Variants in FYN observed in about 807,000 individuals in gnomAD.
FYN encodes FYN proto-oncogene, Src family tyrosine kinase, also known as tyrosine-protein kinase Fyn.
Under a neutral mutation model 70.2 loss-of-function variants are expected in FYN, and 10 were observed. The observed-to-expected ratio is 0.14, with a 90% confidence interval of 0.09 to 0.24. The LOEUF is 0.24. Ranked by LOEUF, FYN falls within the 10% of genes least tolerant of loss-of-function variation. The probability of loss-of-function intolerance (pLI) is 1.00; values close to 1 mark genes in which losing one functional copy is unlikely to be tolerated. For synonymous variants in FYN, 236 were observed against 248.6 expected (o/e 0.95, Z 0.48); for missense variants, 319 against 673.1 (o/e 0.47, Z 5.82).
At chr6:111,846,261 C>T (rs1401007140) in intron 2 of FYN, among the ~76,000 whole-genome samples, 2 of 152,114 alleles carry the variant, frequency 1.3e-5, no homozygotes, top group East Asian at 3.9e-4. Flanking sequence ...TCCTCCCCAG[C>T]CTGAAGGCTC....
intron 12 of FYN, among the ~76,000 whole-genome samples, chr6:111,686,782 C>T (rs804194): frequency 0.72 from 109,845 of 152,174 alleles, 41,187 homozygotes; most frequent in African/African-American, 0.91. Context: ...GGGCATCTCA[C>T]GGCGAGATCA....
chr6:111,703,075 A>G (rs1799915275), intron 7 of FYN, 41 bp from the exon 8 acceptor site: 1 of 1,594,680 alleles, frequency 6.3e-7, no homozygotes, highest in Non-Finnish European at 8.5e-7. Context: ...AATCATTTAG[A>G]GTATCAGCTT....
chr6:111,704,585 C>T (rs1310454940), intron 6 of FYN, among the ~76,000 whole-genome samples: 3 of 151,890 alleles, frequency 2.0e-5, no homozygotes, highest in Non-Finnish European at 4.4e-5. Flanking sequence ...GAAACCCCAG[C>T]TCTACTAAAA....
At chr6:111,760,821 T>G (rs1465607545) in intron 3 of FYN, among the ~76,000 whole-genome samples, 1 of 152,194 alleles carries the variant, frequency 6.6e-6, no homozygotes, top group Non-Finnish European at 1.5e-5. Context: ...TTGATTCCAG[T>G]CTCACTTTGA....
At chr6:111,721,196 G>C (rs1445193354) in intron 3 of FYN, among the ~76,000 whole-genome samples, 1 of 152,106 alleles carries the variant, frequency 6.6e-6, no homozygotes, top group Non-Finnish European at 1.5e-5. Context: ...TGTGCTTTCT[G>C]AAGTGCTCCC....
chr6:111,703,739 C>T (rs1726126), intron 7 of FYN, among the ~76,000 whole-genome samples: 12,736 of 152,158 alleles, frequency 0.084, 1,694 homozygotes, highest in African/African-American at 0.28. Flanking sequence ...GAAAATTCTA[C>T]GATCTTGTGT....
At chr6:111,824,750 G>A (rs1439834475) in intron 2 of FYN, among the ~76,000 whole-genome samples, 1 of 152,024 alleles carries the variant, frequency 6.6e-6, no homozygotes, top group Non-Finnish European at 1.5e-5. Context: ...TTCAGACCCT[G>A]TCCCCTCCAC....
At chr6:111,729,899 G>A (rs1365967475) in intron 3 of FYN, among the ~76,000 whole-genome samples, 1 of 152,162 alleles carries the variant, frequency 6.6e-6, no homozygotes, top group Non-Finnish European at 1.5e-5. Context: ...TACCAAGAAT[G>A]TACTTTTTTT....
chr6:111,696,419 A>G lies in FYN; in HGVS notation c.900T>C (p.Thr300=). 1 of 1,611,722 alleles carries G rather than the reference A, an allele frequency of 6.2e-7. No individual in the cohort carries two copies. The highest frequency in any genetic ancestry group is 8.5e-7 in the Non-Finnish European group (1 of 1,178,940). Residue 300 remains threonine, a synonymous_variant, in exon 10 of 14, where the codon ACT becomes ACC. Coordinates refer to ENST00000354650, the MANE Select transcript of FYN (RefSeq NM_002037.5). ...CGGGGGACATTGTGCCTGGTTTAAG[A>G]GTCTTTATGGCTACTTTTGTGTTTC... ...WNGNTKVAIK[T]LKPGTMSPES...
At position 111,773,487 on chromosome 6, in the gene FYN, G is replaced by A. The variant is rs1286264715; in HGVS notation, c.-12+7079C>T. 4.6e-3 allele frequency among the ~76,000 whole-genome samples: 450 copies of A among 97,732 alleles called. 12 individuals are homozygous for A. Among genetic ancestry groups the A allele is most frequent in the African/African-American group, 0.018 (412 of 22,486 alleles). 64.1% of individuals were successfully genotyped at this position (97,732 alleles called of 152,430 possible). On this transcript the variant is annotated intron_variant, in intron 3 of 13. Transcript: ENST00000354650. Reference sequence around the variant, plus strand: ...TGGGAAAGGGAAAACGAGAGGGAGAGGGAGAGGGAGAGCGGGGGAGGGAGA... The same window carrying A: ...TGGGAAAGGGAAAACGAGAGGGAGAAGGAGAGGGAGAGCGGGGGAGGGAGA...
chr6:111,797,227 C>T (rs1292298313), intron 2 of FYN, among the ~76,000 whole-genome samples: 4 of 152,012 alleles, frequency 2.6e-5, no homozygotes, highest in Non-Finnish European at 4.4e-5. Context: ...GAAACTAGTA[C>T]GATGGCTAAG....
intron 5 of FYN, among the ~76,000 whole-genome samples, chr6:111,712,290 T>C (rs1800418357): frequency 1.3e-5 from 2 of 152,238 alleles, no homozygotes; most frequent in Admixed American, 1.3e-4. Context: ...TTGAAATTTC[T>C]AATCAACCTT....
chr6:111,791,575 G>A (rs1307333313), intron 2 of FYN, among the ~76,000 whole-genome samples: 1 of 152,192 alleles, frequency 6.6e-6, no homozygotes, highest in African/African-American at 2.4e-5. Context: ...AGACGGCCAT[G>A]TGGCCACAGA....
chr6:111,714,260 A>T (rs1320035824), intron 5 of FYN, 87 bp downstream of exon 5: 5 of 801,624 alleles, frequency 6.2e-6, no homozygotes, highest in Admixed American at 2.0e-5. Flanking sequence ...TTAGCATTTC[A>T]GACATCTGAA....
chr6:111,861,889 C>T (rs1386936104), intron 1 of FYN, among the ~76,000 whole-genome samples: 1 of 152,222 alleles, frequency 6.6e-6, no homozygotes, highest in Non-Finnish European at 1.5e-5. Context: ...AGAGTTAAAT[C>T]ATTACTTCGT....
intron 12 of FYN, 60 bp from the exon 13 acceptor site, chr6:111,674,690 T>G: frequency 6.4e-7 from 1 of 1,557,172 alleles, no homozygotes; most frequent in Non-Finnish European, 8.7e-7. Flanking sequence ...GCATGGGGTG[T>G]GGGAGGGAAA....
At chr6:111,812,823 T>C (rs534047324) in intron 2 of FYN, among the ~76,000 whole-genome samples, 175 of 152,164 alleles carry the variant, frequency 1.2e-3, no homozygotes, top group Middle Eastern at 3.4e-3. Context: ...CTCAGAGTAG[T>C]GTTTTGAGAA....
intron 7 of FYN, among the ~76,000 whole-genome samples, chr6:111,703,401 A>C (rs576528505): frequency 6.6e-6 from 1 of 152,322 alleles, no homozygotes; most frequent in East Asian, 1.9e-4. Flanking sequence ...TTCTCTACCC[A>C]GGGGCATACT....
In FYN at chr6:111,661,868, C is replaced by T; in HGVS notation, c.1485G>A (p.Leu495=). 6.2e-7 allele frequency: 1 copy of T among 1,614,160 alleles called. No individual in the cohort carries two copies. The highest frequency in any genetic ancestry group is 8.5e-7 in the Non-Finnish European group (1 of 1,180,004). The change falls in exon 14 of 14, where the codon CTG becomes CTA. Residue 495 remains leucine (L), a synonymous_variant. Transcript: ENST00000354650. The surrounding 1 kb of genome is among the most constrained non-coding windows in gnomAD (Gnocchi z 4.0). Reference sequence around the variant, plus strand: ...TCCAGCAGTGGATCATGAGCTCATGCAGAGAGATGGGGCAGTCCTGCGGGC... The same window carrying T: ...TCCAGCAGTGGATCATGAGCTCATGTAGAGAGATGGGGCAGTCCTGCGGGC... ...MPCPQDCPIS[L]HELMIHCWKK...
Sources: gnomAD v4.1 joint callset for allele counts (sites outside exome capture counted in the v4.1 genomes callset) on GRCh38, gnomAD v4.1.1 for gene constraint, Gnocchi (gnomAD v3.1) non-coding constraint, MANE v1.5 for transcripts, NCBI Gene and HGNC (gene_info 2026-07-23, HGNC 2026-07-21) for gene names.